Variants in COMT observed in about 807,000 individuals in gnomAD.
COMT encodes the protein catechol O-methyltransferase.
A neutral mutation model predicts 18.9 loss-of-function variants in COMT; 13 were observed. The observed-to-expected ratio is 0.69, with a 90% CI of 0.45 to 1.09. The LOEUF (loss-of-function observed/expected upper bound fraction) is 1.09, where lower values mean the gene tolerates loss of function less well. COMT is among the 50% of genes least tolerant of loss of function. The pLI is 0.00. For synonymous variants in COMT, 150 were observed against 160.9 expected (o/e 0.93, Z 0.51); for missense variants, 329 against 361.8 (o/e 0.91, Z 0.73).
Position 19,962,379 on chromosome 22 carries a change from G to A in COMT, c.1-148G>A, listed in dbSNP as rs189402585. On this transcript the variant is annotated intron_variant, in intron 2 of 5. Coordinates refer to ENST00000361682, the MANE Select transcript of COMT (RefSeq NM_000754.4). ...AAGGCTGGCTCCCTGGCGCTGACACGTCAGGCAACTGAGGCACAAGGCTGG... is the reference window on the plus strand; with the variant it reads ...AAGGCTGGCTCCCTGGCGCTGACACATCAGGCAACTGAGGCACAAGGCTGG... 132 of 1,412,264 alleles carry A rather than the reference G, an allele frequency of 9.3e-5. No homozygotes were observed. The African/African-American group carries it at 1.6e-3, about 17-fold the overall frequency. The allele number at this position is 1,412,264 out of a possible 1,614,324, so 87.5% of individuals were successfully genotyped here.
chr22:19,962,012 T>A (rs1271783727), intron 2 of COMT: 1 of 182,156 alleles, frequency 5.5e-6, no homozygotes, highest in East Asian at 1.4e-4. Flanking sequence ...GGACACTCAA[T>A]GAAAAGGCCA....
chr22:19,961,046 G>A (rs992858940), intron 1 of COMT, among the ~76,000 whole-genome samples, 153 bp from the exon 2 acceptor site: 6 of 152,240 alleles, frequency 3.9e-5, no homozygotes, highest in African/African-American at 1.2e-4. Flanking sequence ...CTCTTCTGAG[G>A]CCGGAAAGGC....
intron 5 of COMT, chr22:19,967,061 C>T (rs778643216): frequency 1.3e-4 from 155 of 1,214,700 alleles, no homozygotes; most frequent in Non-Finnish European, 1.6e-4. Context: ...CCTTCTTTCC[C>T]CTCTTGACCA....
intron 2 of COMT, 81 bp from the exon 3 acceptor site, chr22:19,962,446 G>C: frequency 6.5e-7 from 1 of 1,540,438 alleles, no homozygotes; most frequent in Non-Finnish European, 8.7e-7. Context: ...AGGGGGCGAT[G>C]GTGGCACTCC....
intron 5 of COMT, chr22:19,967,379 GA>G: frequency 2.1e-6 from 1 of 485,684 alleles, no homozygotes; most frequent in South Asian, 1.6e-5. Flanking sequence ...CTTTTCAGCT[GA>G]CATTGCTAGG....
At chr22:19,956,352 A>C (rs995870055) in intron 1 of COMT, among the ~76,000 whole-genome samples, 2 of 130,486 alleles carry the variant, frequency 1.5e-5, no homozygotes, top group Non-Finnish European at 3.2e-5. Flanking sequence ...CATGTTGGCC[A>C]GGATGGTCTT....
intron 1 of COMT, 79 bp downstream of exon 1, chr22:19,941,976 GAT>G (rs1941741212): frequency 1.8e-6 from 1 of 553,264 alleles, no homozygotes. Context: ...GGAACACTGG[GAT>G]AGGGTGTGGG....
chr22:19,942,265 G>A (rs2146121897), intron 1 of COMT, among the ~76,000 whole-genome samples: 1 of 152,324 alleles, frequency 6.6e-6, no homozygotes, highest in South Asian at 2.1e-4. Context: ...GTGAGGGTGT[G>A]GTAGAGTCAC....
intron 1 of COMT, among the ~76,000 whole-genome samples, chr22:19,958,621 A>G (rs766606561): frequency 7.0e-6 from 1 of 143,654 alleles, no homozygotes; most frequent in Non-Finnish European, 1.5e-5. Context: ...TGGCTCATGC[A>G]TGTAATCCCA....
In COMT at chr22:19,941,821, G is replaced by A. The variant is rs1402974879; in HGVS notation, c.-168G>A. 5 of 1,515,522 alleles carry A rather than the reference G, an allele frequency of 3.3e-6. No homozygotes were observed. The highest frequency in any genetic ancestry group is 4.4e-6 in the Non-Finnish European group (5 of 1,141,868). 93.9% of individuals were successfully genotyped at this position (1,515,522 alleles called of 1,614,324 possible). On this transcript the variant is annotated 5_prime_UTR_variant, in exon 1 of 6. Coordinates refer to ENST00000361682, the MANE Select transcript of COMT (RefSeq NM_000754.4). The stretch of plus-strand genomic sequence containing the variant: ...GCCGCCATCGTCGTGGGGCTTCTGG[G>A]GCAGCTAGGGCTGCCCGCCGCGCTG...
rs1180599158 is a variant in COMT, at chr22:19,963,399, G to C, written c.290-167G>C. 2.9e-5 allele frequency: 22 copies of C among 761,072 alleles called. No homozygotes were observed. The Middle Eastern group carries it at 1.1e-3, about 38-fold the overall frequency. The allele number at this position is 761,072 out of a possible 1,614,324, so 47.1% of individuals were successfully genotyped here. Reference sequence around the variant, plus strand: ...CCTGGGGGCTGGGGACACCAGGGAGGTGAAATACCCCTCCAGCGGGTAGGG... The same window carrying C: ...CCTGGGGGCTGGGGACACCAGGGAGCTGAAATACCCCTCCAGCGGGTAGGG... On this transcript the variant is annotated intron_variant, in intron 3 of 5. Transcript: ENST00000361682.
chr22:19,968,616 C>T lies in COMT; in HGVS notation c.696C>T (p.His232=), dbSNP rs567830018. ...ICPGAPDFLA[H]VRGSSCFECT... is the part of the protein sequence containing the mutation. Reference sequence around the variant, plus strand: ...CAGGTGCGCCAGACTTCCTAGCACACGTGCGCGGGAGCAGCTGCTTTGAGT... The same window carrying T: ...CAGGTGCGCCAGACTTCCTAGCACATGTGCGCGGGAGCAGCTGCTTTGAGT... Residue 232 remains histidine, a synonymous_variant, in exon 6 of 6, where the codon CAC becomes CAT. Coordinates refer to ENST00000361682, the MANE Select transcript of COMT (RefSeq NM_000754.4). The T allele has an allele frequency of 2.7e-5, 44 of 1,613,960 alleles. No homozygotes were observed. The highest frequency in any genetic ancestry group is 4.4e-5 in the South Asian group (4 of 91,090).
intron 1 of COMT, among the ~76,000 whole-genome samples, chr22:19,952,808 A>G (rs906416727): frequency 1.3e-5 from 2 of 150,132 alleles, no homozygotes; most frequent in African/African-American, 2.5e-5. Flanking sequence ...AAAATTAGCT[A>G]GGCGTGGTGG....
At chr22:19,962,931 A>G (rs922799428) in intron 3 of COMT, 116 bp downstream of exon 3, 32 of 1,324,146 alleles carry the variant, frequency 2.4e-5, no homozygotes, top group East Asian at 2.0e-4. Flanking sequence ...GAACCCTGGG[A>G]TATGCCCAGA....
At position 19,962,828 on chromosome 22, in the gene COMT, C is replaced by A; in HGVS notation, c.289+13C>A. On this transcript the variant is annotated intron_variant, in intron 3 of 5. Transcript: ENST00000361682. ...GGCGACAAGAAAGGTGGGGTCCGGG[C>A]CAGCAGGTGCTCAGCTCTGGGACAG... 1 of 1,597,062 alleles carries A rather than the reference C, an allele frequency of 6.3e-7. No homozygotes were observed. Among genetic ancestry groups the A allele is most frequent in the Non-Finnish European group, 8.6e-7 (1 of 1,168,074 alleles).
Position 19,967,250 on chromosome 22 carries a change from C to G in COMT, c.616-1286C>G, listed in dbSNP as rs376880156. The G allele has an allele frequency of 7.4e-4, 959 of 1,294,894 alleles. 15 individuals are homozygous for G. The South Asian group carries it at 0.011, about 15-fold the overall frequency. The allele number at this position is 1,294,894 out of a possible 1,614,324, so 80.2% of individuals were successfully genotyped here. Reference sequence around the variant, plus strand: ...GGCTCCTGAGTCCCCTGGCGCAACCCGAGAAGTCCAGGAGCCCAGGCCCCT... The same window carrying G: ...GGCTCCTGAGTCCCCTGGCGCAACCGGAGAAGTCCAGGAGCCCAGGCCCCT... On this transcript the variant is annotated intron_variant, in intron 5 of 5. Transcript: ENST00000361682.
intron 4 of COMT, 70 bp from the exon 5 acceptor site, chr22:19,964,098 G>A (rs540184073): frequency 1.1e-5 from 18 of 1,613,276 alleles, no homozygotes; most frequent in Admixed American, 5.0e-5. Flanking sequence ...ACTGACAGGC[G>A]CTGTTGTATA....
chr22:19,964,420 G>A (rs1433941037), intron 5 of COMT, 121 bp downstream of exon 5: 3 of 1,411,402 alleles, frequency 2.1e-6, no homozygotes, highest in Admixed American at 3.8e-5. Flanking sequence ...GCTCGCTCTG[G>A]AGGCACCACC....
chr22:19,961,034 G>C (rs1277281627), intron 1 of COMT, among the ~76,000 whole-genome samples, 165 bp from the exon 2 acceptor site: 1 of 152,240 alleles, frequency 6.6e-6, no homozygotes, highest in East Asian at 1.9e-4. Context: ...GCCTTCTGCT[G>C]TCTCTTCTGA....
Sources: allele counts gnomAD v4.1 joint callset (sites outside exome capture counted in the v4.1 genomes callset), GRCh38; gene constraint gnomAD v4.1.1; transcripts MANE v1.5; gene names NCBI Gene and HGNC (gene_info 2026-07-23, HGNC 2026-07-21).